The following ARHGEF18 variants were observed in gnomAD, a reference collection of about 807,000 sequenced individuals.
ARHGEF18 encodes the protein rho guanine nucleotide exchange factor 18.
ARHGEF18 carries 93 observed loss-of-function variants against 155.7 expected under a neutral mutation model. The ratio of observed to expected loss-of-function variants is 0.60; its 90% CI spans 0.50 to 0.71. ARHGEF18 has a LOEUF of 0.71. Ranked by LOEUF, ARHGEF18 falls within the 30% of genes least tolerant of loss-of-function variation. ARHGEF18 has a pLI of 0.00. For synonymous variants in ARHGEF18, 742 were observed against 753.1 expected (o/e 0.99, Z 0.24); for missense variants, 1,593 against 1,816.1 (o/e 0.88, Z 2.23).
intron 15 of ARHGEF18, among the ~76,000 whole-genome samples, chr19:7,450,756 C>A (rs80062459): frequency 7.1e-6 from 1 of 140,992 alleles, no homozygotes; most frequent in Non-Finnish European, 1.5e-5. Flanking sequence ...AATGCGGGAT[C>A]TTGCTGTCCG....
In ARHGEF18 at chr19:7,463,693, G is replaced by T; in HGVS notation, c.2636-125G>T. The T allele has an allele frequency of 5.8e-6, 7 of 1,200,186 alleles. No individual in the cohort carries two copies. Among genetic ancestry groups the T allele is most frequent in the Non-Finnish European group, 8.0e-6 (7 of 871,744 alleles). The allele number at this position is 1,200,186 out of a possible 1,614,324, so 74.3% of individuals were successfully genotyped here. A position where few individuals can be genotyped will look rare whatever the true frequency, so the allele number is the denominator to read the frequency against. On this transcript the variant is annotated intron_variant, in intron 21 of 28. Transcript: ENST00000668164. The surrounding 1 kb of genome is among the most constrained non-coding windows in gnomAD (Gnocchi z 5.2). ...GCTGAAATCCCACGGCACACAGAAG[G>T]GGGCAGGCGATCACCACCCCAGTGA...
At chr19:7,450,683 G>T (rs12974506) in intron 15 of ARHGEF18, among the ~76,000 whole-genome samples, 3 of 15,026 alleles carry the variant, frequency 2.0e-4, no homozygotes, top group Admixed American at 6.1e-4. Flanking sequence ...ATGTTAATGC[G>T]GGATCTTGCT....
At chr19:7,386,158 C>G (rs989005483) in intron 10 of ARHGEF18, among the ~76,000 whole-genome samples, 5 of 149,000 alleles carry the variant, frequency 3.4e-5, no homozygotes, top group Non-Finnish European at 5.9e-5. Flanking sequence ...TACCTGGGAC[C>G]ACATGCATAT....
chr19:7,468,831 C>A lies in ARHGEF18; in HGVS notation c.3487C>A (p.Pro1163Thr), dbSNP rs868447611. The A allele has an allele frequency of 1.3e-6, 2 of 1,553,338 alleles. No homozygotes were observed. Among genetic ancestry groups the A allele is most frequent in the African/African-American group, 2.7e-5 (2 of 73,564 alleles). The change falls in exon 27 of 29, where the codon CCC (proline) becomes ACC (threonine). Residue 1163 changes from proline to threonine, a missense_variant. Coordinates refer to ENST00000668164, the MANE Select transcript of ARHGEF18 (RefSeq NM_001367823.1). The part of the protein sequence containing the change: ...LPPDTLAEAQ[P>T]PSHPPSFNGE... ...TCTGCTGTTGTCCCCTCAGGCCCAGCCCCCAAGCCACCCTCCCAGCTTCAA... is the reference window on the plus strand; with the variant it reads ...TCTGCTGTTGTCCCCTCAGGCCCAGACCCCAAGCCACCCTCCCAGCTTCAA...
chr19:7,453,373 C>T (rs1402388650), intron 16 of ARHGEF18, 94 bp from the exon 17 acceptor site: 2 of 1,367,270 alleles, frequency 1.5e-6, no homozygotes, highest in East Asian at 5.1e-5. Context: ...TGTCCACACA[C>T]CTCATAGATC....
chr19:7,444,547 G>C lies in ARHGEF18; in HGVS notation c.1611+93G>C. On this transcript the variant is annotated intron_variant, in intron 14 of 28. Coordinates refer to ENST00000668164, the MANE Select transcript of ARHGEF18 (RefSeq NM_001367823.1). This position sits in a 1 kb window ranked among gnomAD's most constrained non-coding sequence, Gnocchi z 4.7. ...TTTTTCTGAGATAGGGTCTTGCCGTGTCGCCCAGGCTGGAGTGCAGTGGTG... is the reference window on the plus strand; with the variant it reads ...TTTTTCTGAGATAGGGTCTTGCCGTCTCGCCCAGGCTGGAGTGCAGTGGTG... 3 of 1,515,018 alleles carry C rather than the reference G, an allele frequency of 2.0e-6. No homozygotes were observed. The East Asian group carries it at 7.1e-5, about 36-fold the overall frequency. 93.8% of individuals were successfully genotyped at this position (1,515,018 alleles called of 1,614,324 possible). A position where few individuals can be genotyped will look rare whatever the true frequency, so the allele number is the denominator to read the frequency against.
intron 10 of ARHGEF18, among the ~76,000 whole-genome samples, chr19:7,423,116 C>A (rs894172697): frequency 6.6e-6 from 1 of 152,058 alleles, no homozygotes; most frequent in African/African-American, 2.4e-5. Flanking sequence ...GATTAATAGC[C>A]GGGAGGAGCT....
At chr19:7,370,899 G>A (rs1970172236) in intron 2 of ARHGEF18, among the ~76,000 whole-genome samples, 2 of 142,006 alleles carry the variant, frequency 1.4e-5, no homozygotes, top group African/African-American at 3.1e-5. Flanking sequence ...ACCACACCCC[G>A]CTTTTTTTTT....
Position 7,382,855 on chromosome 19 carries a change from G to A in ARHGEF18, c.786G>A (p.Leu262=), listed in dbSNP as rs1397663457. Residue 262 remains leucine (L), a synonymous_variant, in exon 9 of 29, where the codon CTG becomes CTA. Coordinates refer to ENST00000668164, the MANE Select transcript of ARHGEF18 (RefSeq NM_001367823.1). ...AGAGTACCAGTGTGAAGCGCAGGCT[G>A]AGCTGCCTCCGCAGTCGAGTGACCA... is the stretch of plus-strand genomic sequence containing the variant. ...SDKSTSVKRR[L]SCLRSRVTRQ... The A allele has an allele frequency of 4.2e-5, 52 of 1,232,472 alleles. No individual in the cohort carries two copies. The highest frequency in any genetic ancestry group is 5.3e-5 in the Non-Finnish European group (52 of 988,114). 76.3% of individuals were successfully genotyped at this position (1,232,472 alleles called of 1,614,324 possible).
rs202152607 is a variant in ARHGEF18, at chr19:7,470,259, C to T, written c.4047C>T (p.Ala1349=). 1.9e-6 allele frequency: 3 copies of T among 1,574,880 alleles called. No homozygotes were observed. In the Admixed American group the frequency reaches 5.8e-5, roughly 30 times the overall value. Residue 1349 remains alanine (A), a synonymous_variant, in exon 29 of 29, where the codon GCC becomes GCT. Transcript: ENST00000668164. The surrounding 1 kb of genome is among the most constrained non-coding windows in gnomAD (Gnocchi z 5.9). ...CACTGCCGGCCACACCACTCAGCGC[C>T]AAGGAGGACGCCAGCAAAGAAGACG... ...PSPLPATPLS[A]KEDASKEDVI... is the part of the protein sequence containing the mutation.
chr19:7,462,390 G>A lies in ARHGEF18; in HGVS notation c.2635+56G>A, dbSNP rs1247514812. The A allele has an allele frequency of 1.3e-6, 2 of 1,501,144 alleles. No individual in the cohort carries two copies. The highest frequency in any genetic ancestry group is 1.8e-6 in the Non-Finnish European group (2 of 1,128,012). 93.0% of individuals were successfully genotyped at this position (1,501,144 alleles called of 1,614,324 possible). ...AGTCTTGCCGGGGTGGGCTCCTCAG[G>A]GAACCCCAGGCCAGGCTCACGGCTC... On this transcript the variant is annotated intron_variant, in intron 21 of 28. Coordinates refer to ENST00000668164, the MANE Select transcript of ARHGEF18 (RefSeq NM_001367823.1). This position sits in a 1 kb window ranked among gnomAD's most constrained non-coding sequence, Gnocchi z 4.4.
In ARHGEF18 at chr19:7,468,803, G is replaced by C. The variant is rs768228594; in HGVS notation, c.3481-22G>C. 2.6e-6 allele frequency: 4 copies of C among 1,516,798 alleles called. No homozygotes were observed. In the East Asian group the frequency reaches 7.3e-5, roughly 28 times the overall value. 94.0% of individuals were successfully genotyped at this position (1,516,798 alleles called of 1,614,324 possible). A position where few individuals can be genotyped will look rare whatever the true frequency, so the allele number is the denominator to read the frequency against. Reference sequence around the variant, plus strand: ...GCACAGCAGGAACCTCACATTGGATGTATCTGCTGTTGTCCCCTCAGGCCC... The same window carrying C: ...GCACAGCAGGAACCTCACATTGGATCTATCTGCTGTTGTCCCCTCAGGCCC... On this transcript the variant is annotated intron_variant, in intron 26 of 28. Transcript: ENST00000668164.
intron 19 of ARHGEF18, among the ~76,000 whole-genome samples, chr19:7,459,100 A>G (rs1441857581): frequency 6.6e-6 from 1 of 151,832 alleles, no homozygotes; most frequent in African/African-American, 2.4e-5. Context: ...GCTGGAGTGC[A>G]GTGATGCAAT....
intron 1 of ARHGEF18, among the ~76,000 whole-genome samples, chr19:7,359,687 G>C (rs151271868): frequency 9.9e-4 from 150 of 151,590 alleles, no homozygotes; most frequent in African/African-American, 3.3e-3. Flanking sequence ...TGTGATATCA[G>C]GATCAAGGCT....
the ARHGEF18 span, among the ~76,000 whole-genome samples, chr19:7,478,729 C>T: frequency 0.15 from 22,876 of 152,276 alleles, 1,843 homozygotes; most frequent in Non-Finnish European, 0.19. Flanking sequence ...CCAAGAGGCC[C>T]GCAGTTGGAC....
chr19:7,422,331 C>T (rs2145682220), intron 10 of ARHGEF18, among the ~76,000 whole-genome samples: 1 of 152,202 alleles, frequency 6.6e-6, no homozygotes, highest in Admixed American at 6.6e-5. Flanking sequence ...CTAGCACTGC[C>T]TGTCTGCCCA....
At chr19:7,353,020 C>G (rs150570516) in intron 1 of ARHGEF18, among the ~76,000 whole-genome samples, 138,454 of 150,620 alleles carry the variant, frequency 0.92, 63,765 homozygotes, top group Admixed American at 0.95. Flanking sequence ...ATTTTTAGTA[C>G]AGACGGGGTT....
chr19:7,469,136 G>A lies in ARHGEF18; in HGVS notation c.3787+5G>A. The A allele has an allele frequency of 6.3e-7, 1 of 1,586,096 alleles. No individual in the cohort carries two copies. The highest frequency in any genetic ancestry group is 8.6e-7 in the Non-Finnish European group (1 of 1,166,584). On this transcript the variant is annotated splice_donor_5th_base_variant and intron_variant, in intron 27 of 28. Coordinates refer to ENST00000668164, the MANE Select transcript of ARHGEF18 (RefSeq NM_001367823.1). ...CTCAGCGCTGGGAGAGCTCAGGTGA[G>A]CCGGCCCCACCCCTTCGCCTGGGCC...
chr19:7,431,529 A>AAAAAAAAG (rs901539858), intron 10 of ARHGEF18, among the ~76,000 whole-genome samples: 16 of 146,942 alleles, frequency 1.1e-4, no homozygotes, highest in East Asian at 8.1e-4. Flanking sequence ...AAAAAAAAAA[A>AAAAAAAAG]AAAAGGCCGG....
Sources: allele counts gnomAD v4.1 joint callset (sites outside exome capture counted in the v4.1 genomes callset), GRCh38; gene constraint gnomAD v4.1.1; non-coding constraint Gnocchi (gnomAD v3.1); transcripts MANE v1.5; gene names NCBI Gene and HGNC (gene_info 2026-07-23, HGNC 2026-07-21).